The following TRDN variants were observed in gnomAD, a reference collection of about 807,000 sequenced individuals.
TRDN encodes triadin.
Under a neutral mutation model 149.7 loss-of-function variants are expected in TRDN, and 161 were observed. The ratio of observed to expected loss-of-function variants is 1.08; its 90% confidence interval spans 0.95 to 1.23. The LOEUF (loss-of-function observed/expected upper bound fraction) is 1.23, where lower values mean the gene tolerates loss of function less well. Among genes scored for constraint, TRDN ranks in the 50% most tolerant of loss-of-function variants. TRDN has a pLI of 0.00. For synonymous variants in TRDN, 294 were observed against 250.5 expected, an observed-to-expected ratio of 1.17 and a Z score of -1.64; for missense variants, 896 against 823.5, an observed-to-expected ratio of 1.09 and a Z score of -1.08.
intron 22 of TRDN, among the ~76,000 whole-genome samples, chr6:123,335,229 G>A (rs1417188459): frequency 6.6e-6 from 1 of 151,678 alleles, no homozygotes; most frequent in Non-Finnish European, 1.5e-5. Context: ...CATTTTGGGG[G>A]CATTAATGCA....
At chr6:123,306,504 CAG>C (rs1261030916) in intron 24 of TRDN, among the ~76,000 whole-genome samples, 1 of 152,056 alleles carries the variant, frequency 6.6e-6, no homozygotes, top group Non-Finnish European at 1.5e-5. Context: ...AGAAAACACT[CAG>C]GGCACAAAAC....
At chr6:123,373,303 T>C (rs979247896) in intron 19 of TRDN, among the ~76,000 whole-genome samples, 1 of 152,160 alleles carries the variant, frequency 6.6e-6, no homozygotes, top group Non-Finnish European at 1.5e-5. Flanking sequence ...ACACAAGCTC[T>C]CTTTTTGCCT....
intron 9 of TRDN, among the ~76,000 whole-genome samples, chr6:123,482,346 A>G (rs1583120840): frequency 6.6e-6 from 1 of 152,358 alleles, no homozygotes; most frequent in Non-Finnish European, 1.5e-5. Context: ...GATAGAGGAT[A>G]AAATGGAAGC....
At chr6:123,409,631 C>T (rs867866047) in intron 12 of TRDN, among the ~76,000 whole-genome samples, 36 of 152,002 alleles carry the variant, frequency 2.4e-4, no homozygotes, top group African/African-American at 8.7e-4. Context: ...TGAACACAAG[C>T]ATGACATTCA....
intron 38 of TRDN, among the ~76,000 whole-genome samples, chr6:123,239,849 C>T (rs1319271537): frequency 6.6e-6 from 1 of 151,720 alleles, no homozygotes; most frequent in Non-Finnish European, 1.5e-5. Context: ...ATAAAGGAAA[C>T]AGAAAAACCT....
intron 5 of TRDN, among the ~76,000 whole-genome samples, chr6:123,519,559 G>A (rs1487123589): frequency 1.4e-5 from 2 of 146,068 alleles, no homozygotes; most frequent in Non-Finnish European, 3.0e-5. Flanking sequence ...TTACTTAATC[G>A]TCCTGTTCTT....
At chr6:123,486,026 A>T (rs1050551486) in intron 9 of TRDN, among the ~76,000 whole-genome samples, 1 of 152,036 alleles carries the variant, frequency 6.6e-6, no homozygotes, top group Non-Finnish European at 1.5e-5. Context: ...AATTAAGAAG[A>T]AGCTCCATTT....
intron 12 of TRDN, among the ~76,000 whole-genome samples, chr6:123,420,908 G>A (rs2114541072): frequency 6.6e-6 from 1 of 152,288 alleles, no homozygotes; most frequent in Non-Finnish European, 1.5e-5. Flanking sequence ...CCAAAATATT[G>A]TTTAACAACA....
intron 4 of TRDN, among the ~76,000 whole-genome samples, chr6:123,544,246 T>C (rs865857760): frequency 9.7e-4 from 140 of 144,314 alleles, no homozygotes; most frequent in African/African-American, 3.0e-3. Flanking sequence ...CATCTGTACA[T>C]ACACACACAC....
Position 123,243,064 on chromosome 6 carries a change from T to C in TRDN, c.1975+9348A>G, listed in dbSNP as rs1776047818. On this transcript the variant is annotated intron_variant, in intron 38 of 40. Transcript: ENST00000334268. ...AGGAAGGCCTGGCACTTTCATGATG[T>C]GCCCCGAAGACAAATTCCACTGTTG... Among the ~76,000 whole-genome samples the C allele has an allele frequency of 2.0e-5, 3 of 152,074 alleles. No homozygotes were observed. In the South Asian group the frequency reaches 6.2e-4, roughly 32 times the overall value.
intron 6 of TRDN, among the ~76,000 whole-genome samples, chr6:123,514,277 C>T (rs1779319533): frequency 6.6e-6 from 1 of 152,020 alleles, no homozygotes; most frequent in South Asian, 2.1e-4. Context: ...ATCTCTTGAA[C>T]CCCAGAGGCA....
intron 7 of TRDN, 78 bp from the exon 8 acceptor site, chr6:123,503,979 G>A (rs1412348676): frequency 4.9e-6 from 7 of 1,415,140 alleles, no homozygotes; most frequent in Middle Eastern, 5.0e-4. Flanking sequence ...TGTCATTAAG[G>A]AAAATTGGAA....
chr6:123,246,724 C>T (rs1223574155), intron 38 of TRDN, among the ~76,000 whole-genome samples: 1 of 151,874 alleles, frequency 6.6e-6, no homozygotes, highest in Non-Finnish European at 1.5e-5. Flanking sequence ...GGACTCTTCC[C>T]TAGCTCATTT....
At chr6:123,266,417 G>GATATGTATTATATATAATATATAT (rs1776980728) in intron 32 of TRDN, among the ~76,000 whole-genome samples, 14 of 66,964 alleles carry the variant, frequency 2.1e-4, no homozygotes, top group African/African-American at 2.8e-4. Flanking sequence ...ATAATATATA[G>GATATGTATTATATATAATATATAT]ATTATGATAT....
At chr6:123,272,163 T>C (rs1312010623) in intron 29 of TRDN, among the ~76,000 whole-genome samples, 23 of 151,936 alleles carry the variant, frequency 1.5e-4, no homozygotes, top group Non-Finnish European at 3.2e-4. Flanking sequence ...TGTATACAGA[T>C]TTTCTGAAGT....
chr6:123,615,537 TACAC>T (rs59953395), intron 1 of TRDN, among the ~76,000 whole-genome samples: 10 of 149,006 alleles, frequency 6.7e-5, no homozygotes, highest in African/African-American at 1.2e-4. Context: ...AACATGTATA[TACAC>T]ACACACACAC....
chr6:123,540,959 T>C (rs918664739), intron 4 of TRDN, among the ~76,000 whole-genome samples: 8 of 152,220 alleles, frequency 5.3e-5, no homozygotes, highest in Non-Finnish European at 7.3e-5. Flanking sequence ...AGACCCTTTC[T>C]AAATGAAAAT....
chr6:123,257,289 T>G (rs1162047638), intron 35 of TRDN, among the ~76,000 whole-genome samples: 2 of 152,116 alleles, frequency 1.3e-5, no homozygotes, highest in African/African-American at 2.4e-5. Context: ...GTTTAAATCT[T>G]TAATCCATCT....
intron 5 of TRDN, among the ~76,000 whole-genome samples, chr6:123,521,543 G>A (rs540911067): frequency 2.9e-4 from 44 of 152,138 alleles, no homozygotes; most frequent in African/African-American, 9.4e-4. Flanking sequence ...CAGATTCTTC[G>A]TCACAGCCCT....
Sources: gnomAD v4.1 joint callset for allele counts (sites outside exome capture counted in the v4.1 genomes callset) on GRCh38, gnomAD v4.1.1 for gene constraint, MANE v1.5 for transcripts, NCBI Gene and HGNC (gene_info 2026-07-23, HGNC 2026-07-21) for gene names.